Variants in BAZ1B observed in about 807,000 individuals in gnomAD.
The protein encoded by BAZ1B is bromodomain adjacent to zinc finger domain 1B, also known as tyrosine-protein kinase BAZ1B.
Under a neutral mutation model 153.8 loss-of-function variants are expected in BAZ1B, and 22 were observed. That is an observed-to-expected ratio of 0.14 (90% CI 0.10 to 0.20). BAZ1B has a LOEUF of 0.20. BAZ1B is among the 10% of genes least tolerant of loss of function. The pLI, the probability that BAZ1B is intolerant of heterozygous loss-of-function variation, is 1.00. For missense variants in BAZ1B, 1,325 were observed against 1,799.3 expected (o/e 0.74, Z 4.77); for synonymous variants, 676 against 633.4 (o/e 1.07, Z -1.01).
intron 6 of BAZ1B, among the ~76,000 whole-genome samples, chr7:73,481,692 TC>T (rs1395379794): frequency 6.6e-6 from 1 of 152,010 alleles, no homozygotes. Flanking sequence ...TTTGAAGAGT[TC>T]CAGGCAACTG....
At chr7:73,517,448 T>A (rs1001105328) in intron 1 of BAZ1B, among the ~76,000 whole-genome samples, 1 of 150,834 alleles carries the variant, frequency 6.6e-6, no homozygotes, top group Non-Finnish European at 1.5e-5. Flanking sequence ...TAAGCCATGA[T>A]CACACATCAC....
chr7:73,485,769 A>G (rs1488003401), intron 6 of BAZ1B, among the ~76,000 whole-genome samples: 3 of 152,224 alleles, frequency 2.0e-5, no homozygotes, highest in African/African-American at 7.2e-5. Context: ...AAATATTAAA[A>G]TGTGTTAAGA....
intron 3 of BAZ1B, among the ~76,000 whole-genome samples, chr7:73,499,638 G>A (rs1353688519): frequency 6.6e-6 from 1 of 152,178 alleles, no homozygotes; most frequent in Non-Finnish European, 1.5e-5. Flanking sequence ...GGTTTTTGAG[G>A]CTGCAGTAAG....
chr7:73,494,844 T>TA (rs1789811608), intron 4 of BAZ1B, among the ~76,000 whole-genome samples: 1 of 152,244 alleles, frequency 6.6e-6, no homozygotes, highest in Non-Finnish European at 1.5e-5. Context: ...GTGAGAATGT[T>TA]AAAGGTATTT....
chr7:73,465,065 C>A (rs1475304685), intron 11 of BAZ1B, among the ~76,000 whole-genome samples: 1 of 152,116 alleles, frequency 6.6e-6, no homozygotes, highest in Admixed American at 6.6e-5. Context: ...TTTATCCGTT[C>A]CATCAGTTGA....
Position 73,465,144 on chromosome 7 carries a change from C to T in BAZ1B, c.3071+295G>A, listed in dbSNP as rs373629501. The stretch of plus-strand genomic sequence containing the variant: ...GATAGAATACTTCTGGACACCCACC[C>T]ATCTGGGCCTCCATCTGCAAAGCTG... On this transcript the variant is annotated intron_variant, in intron 11 of 19. Coordinates refer to ENST00000339594, the MANE Select transcript of BAZ1B (RefSeq NM_032408.4). 6.8e-4 allele frequency among the ~76,000 whole-genome samples: 103 copies of T among 152,224 alleles called. 3 individuals are homozygous for T. In the East Asian group the frequency reaches 0.017, roughly 26 times the overall value.
At position 73,477,924 on chromosome 7, in the gene BAZ1B, G is replaced by A. The variant is rs782221710; in HGVS notation, c.1537C>T (p.Arg513Cys). 8.1e-6 allele frequency: 13 copies of A among 1,614,032 alleles called. No homozygotes were observed. The African/African-American group carries it at 1.1e-4, about 13-fold the overall frequency. The stretch of plus-strand genomic sequence containing the variant: ...AGACTTCGCAATTCTTCTGGGAGAC[G>A]AGCTCTATCTTCACTAGAGAGAAGA... ...ARLLSSEDRA[R>C]LPEELRSLVQ... The change falls in exon 7 of 20, where the codon CGT (arginine) becomes TGT (cysteine). Residue 513 changes from arginine (R) to cysteine (C), a missense_variant. Physicochemically the swap from Arg to Cys is radical, Grantham distance 180. Transcript: ENST00000339594. The surrounding 1 kb of genome is among the most constrained non-coding windows in gnomAD (Gnocchi z 5.6).
chr7:73,451,653 T>G (rs1277730202), intron 13 of BAZ1B, among the ~76,000 whole-genome samples: 1 of 152,204 alleles, frequency 6.6e-6, no homozygotes, highest in Non-Finnish European at 1.5e-5. Context: ...TAAACACACA[T>G]ACAAAAATCT....
chr7:73,501,887 ATTTTTTTTTTTT>A (rs200718272), intron 3 of BAZ1B, among the ~76,000 whole-genome samples: 2 of 133,120 alleles, frequency 1.5e-5, no homozygotes, highest in Non-Finnish European at 3.2e-5. Flanking sequence ...CTTATCAAGA[ATTTTTTTTTTTT>A]TTTTTTTTTG....
Position 73,504,481 on chromosome 7 carries a change from G to A in BAZ1B, c.369+3846C>T, listed in dbSNP as rs151241786. 9.7e-4 allele frequency among the ~76,000 whole-genome samples: 148 copies of A among 152,204 alleles called. No individual in the cohort carries two copies. In the East Asian group the frequency reaches 0.026, roughly 27 times the overall value. ...GATCGAGACCATCCTGGCTAATACG[G>A]TGAAACCCCGTCCCTACTAAAAATA... On this transcript the variant is annotated intron_variant, in intron 3 of 19. Coordinates refer to ENST00000339594, the MANE Select transcript of BAZ1B (RefSeq NM_032408.4).
Position 73,498,938 on chromosome 7 carries a change from C to A in BAZ1B, c.370-240G>T, listed in dbSNP as rs146360588. On this transcript the variant is annotated intron_variant, in intron 3 of 19. Coordinates refer to ENST00000339594, the MANE Select transcript of BAZ1B (RefSeq NM_032408.4). Reference sequence around the variant, plus strand: ...CTAGGTTCATGATTCATGTAAAATGCCAATATACAAGGCCAAAGGGCAATC... The same window carrying A: ...CTAGGTTCATGATTCATGTAAAATGACAATATACAAGGCCAAAGGGCAATC... 1.8e-3 allele frequency among the ~76,000 whole-genome samples: 275 copies of A among 152,202 alleles called. 2 individuals carry two copies. Among genetic ancestry groups the A allele is most frequent in the African/African-American group, 5.7e-3 (236 of 41,514 alleles).
At position 73,450,968 on chromosome 7, in the gene BAZ1B, C is replaced by G; in HGVS notation, c.3459G>C (p.Lys1153Asn). Residue 1153 changes from lysine to asparagine, a missense_variant, in exon 14 of 20, where the codon AAG becomes AAC. Transcript: ENST00000339594. This position sits in a 1 kb window ranked among gnomAD's most constrained non-coding sequence, Gnocchi z 4.1. Reference protein sequence around the residue: ...AKVASALEKWKTAIREAQTFS... With the variant: ...AKVASALEKWNTAIREAQTFS... ...AAGTCTGAGCTTCCCGGATTGCTGT[C>G]TTCCATTTCTCCAGTGCAGATGCAA... is the stretch of plus-strand genomic sequence containing the variant. The G allele has an allele frequency of 6.2e-7, 1 of 1,614,198 alleles. No homozygotes were observed. Among genetic ancestry groups the G allele is most frequent in the Non-Finnish European group, 8.5e-7 (1 of 1,180,050 alleles).
chr7:73,458,435 G>A (rs1788276260), intron 13 of BAZ1B, among the ~76,000 whole-genome samples: 1 of 152,062 alleles, frequency 6.6e-6, no homozygotes. Context: ...TAGTACTTTG[G>A]GAGGCTGAGG....
At chr7:73,449,243 C>G (rs1787944615) in intron 15 of BAZ1B, among the ~76,000 whole-genome samples, 2 of 152,128 alleles carry the variant, frequency 1.3e-5, no homozygotes, top group African/African-American at 4.8e-5. Context: ...ATCATGAAGA[C>G]ACAGGAAGTG....
Position 73,489,259 on chromosome 7 carries a change from C to T in BAZ1B, c.826G>A (p.Asp276Asn). The T allele has an allele frequency of 6.2e-7, 1 of 1,614,190 alleles. No individual in the cohort carries two copies. Among genetic ancestry groups the T allele is most frequent in the Non-Finnish European group, 8.5e-7 (1 of 1,180,030 alleles). The change falls in exon 6 of 20, where the codon GAT becomes AAT. Residue 276 changes from aspartate to asparagine, a missense_variant. Coordinates refer to ENST00000339594, the MANE Select transcript of BAZ1B (RefSeq NM_032408.4). ...AGAGAGTATTTCTTCACCAATTCAT[C>T]TTCTACGACCCAAGGTGCATTTTCA... is the stretch of plus-strand genomic sequence containing the variant. ...TGENAPWVVE[D>N]ELVKKYSLPS...
At chr7:73,455,787 G>T (rs750919201) in intron 13 of BAZ1B, among the ~76,000 whole-genome samples, 1 of 152,106 alleles carries the variant, frequency 6.6e-6, no homozygotes, top group Non-Finnish European at 1.5e-5. Context: ...CTAAAGAAAC[G>T]CAATAAAATC....
chr7:73,521,642 C>A (rs1371645241), intron 1 of BAZ1B, among the ~76,000 whole-genome samples, 185 bp downstream of exon 1: 2 of 151,774 alleles, frequency 1.3e-5, no homozygotes, highest in Non-Finnish European at 2.9e-5. Context: ...TGCGCGCCCC[C>A]CGCCGGATCC....
chr7:73,491,905 T>G (rs1554575519), intron 5 of BAZ1B, among the ~76,000 whole-genome samples: 1 of 152,136 alleles, frequency 6.6e-6, no homozygotes, highest in African/African-American at 2.4e-5. Flanking sequence ...TTTCTAAGAT[T>G]CTGCACATAC....
In BAZ1B at chr7:73,442,843, A is replaced by G. The variant is rs577212970; in HGVS notation, c.3991-15T>C. On this transcript the variant is annotated splice_polypyrimidine_tract_variant and intron_variant, in intron 17 of 19. Transcript: ENST00000339594. ...GTCTGAAGCACCTGGCAGGAAAGAA[A>G]GAACAATGTTATTACAGATTCAAGA... The G allele has an allele frequency of 2.5e-6, 4 of 1,592,844 alleles. No homozygotes were observed. The African/African-American group carries it at 5.6e-5, about 22-fold the overall frequency.
Sources: gnomAD v4.1 joint callset for allele counts (sites outside exome capture counted in the v4.1 genomes callset) on GRCh38, gnomAD v4.1.1 for gene constraint, Gnocchi (gnomAD v3.1) non-coding constraint, MANE v1.5 for transcripts, NCBI Gene and HGNC (gene_info 2026-07-23, HGNC 2026-07-21) for gene names.